CYP4A11: variants seen among roughly 807,000 people sequenced by gnomAD.
The protein encoded by CYP4A11 is cytochrome P450 family 4 subfamily A member 11.
Under a neutral mutation model 57.7 loss-of-function variants are expected in CYP4A11, and 52 were observed. The observed-to-expected ratio is 0.90, with a 90% CI of 0.72 to 1.14. The LOEUF (loss-of-function observed/expected upper bound fraction) is 1.14. Among genes scored for constraint, CYP4A11 ranks in the 50% most tolerant of loss-of-function variants. CYP4A11 has a pLI of 0.00. For missense variants in CYP4A11, 641 were observed against 642.1 expected, an observed-to-expected ratio of 1.00 and a Z score of 0.02; for synonymous variants, 228 against 247.1, an observed-to-expected ratio of 0.92 and a Z score of 0.72.
At chr1:46,932,284 G>C (rs1230181519) in intron 11 of CYP4A11, 29 of 1,015,268 alleles carry the variant, frequency 2.9e-5, no homozygotes, top group Non-Finnish European at 3.4e-5. Context: ...ATTATAAACA[G>C]ATGCAAAGAC....
rs554101100 is a variant in CYP4A11 at position 46,940,309 on chromosome 1, G to A, written c.195+930C>T. On this transcript the variant is annotated intron_variant, in intron 1 of 11. Coordinates refer to ENST00000310638, the MANE Select transcript of CYP4A11 (RefSeq NM_000778.4). ...AAAAATTGCAAAATAATCTCATAAC[G>A]TTTTAAGAAAGTTTACGAATTTGTG... Among the ~76,000 whole-genome samples, 6 of 152,272 alleles carry A rather than the reference G, an allele frequency of 3.9e-5. No individual in the cohort carries two copies. The South Asian group carries it at 1.0e-3, about 26-fold the overall frequency.
At chr1:46,935,748 T>C (rs769649161) in intron 4 of CYP4A11, 101 bp from the exon 5 acceptor site, 2 of 1,541,450 alleles carry the variant, frequency 1.3e-6, no homozygotes, top group Non-Finnish European at 1.8e-6. Flanking sequence ...TTTTTTCCTG[T>C]AGCATGCAGA....
rs780352553 is a variant in CYP4A11, at chr1:46,938,022, T to C, written c.311A>G (p.Tyr104Cys). 4.3e-6 allele frequency: 7 copies of C among 1,614,148 alleles called. No individual in the cohort carries two copies. In the South Asian group the frequency reaches 7.7e-5, roughly 18 times the overall value. The change falls in exon 2 of 12, where the codon TAT becomes TGT. Residue 104 changes from tyrosine (Y) to cysteine (C), a missense_variant. Tyr to Cys is a radical substitution (Grantham distance 194). Coordinates refer to ENST00000310638, the MANE Select transcript of CYP4A11 (RefSeq NM_000778.4). ...TGATCTCCCCAGAATCACCTTCATA[T>C]AGTCAGGGTCATAGAGCTGGACACG... Reference protein sequence around the residue: ...KVRVQLYDPDYMKVILGRSDP... With the variant: ...KVRVQLYDPDCMKVILGRSDP...
chr1:46,932,199 G>A (rs866558732), intron 11 of CYP4A11: 5 of 993,770 alleles, frequency 5.0e-6, no homozygotes, highest in Non-Finnish European at 6.0e-6. Flanking sequence ...ACACACTGTT[G>A]TAAAACTTTC....
At chr1:46,933,797 T>G in intron 9 of CYP4A11, 149 bp downstream of exon 9, 1 of 1,337,792 alleles carries the variant, frequency 7.5e-7, no homozygotes, top group South Asian at 1.6e-5. Flanking sequence ...CTTTTCAAAT[T>G]CTTTATCCCA....
intron 11 of CYP4A11, among the ~76,000 whole-genome samples, chr1:46,931,330 G>T (rs1359569214): frequency 6.6e-6 from 1 of 152,208 alleles, no homozygotes; most frequent in Non-Finnish European, 1.5e-5. Context: ...CAGTGCCAAG[G>T]ACAGCACCAG....
At position 46,934,467 on chromosome 1, in the gene CYP4A11, G is replaced by T. The variant is rs1326417961; in HGVS notation, c.883C>A (p.Leu295Ile). 2 of 1,613,800 alleles carry T rather than the reference G, an allele frequency of 1.2e-6. No homozygotes were observed. The highest frequency in any genetic ancestry group is 2.2e-5 in the South Asian group (2 of 91,064). The change falls in exon 7 of 12, where the codon CTC becomes ATC. Residue 295 changes from leucine to isoleucine, a missense_variant. By Grantham distance (5) the Leu-to-Ile change is conservative (BLOSUM62 2). Transcript: ENST00000310638. ...CACATACTCACTTTGGCCAAGAGGAGGATATCCAGAAAATCCAAATGCCTC... is the reference window on the plus strand; with the variant it reads ...CACATACTCACTTTGGCCAAGAGGATGATATCCAGAAAATCCAAATGCCTC... ...RKRHLDFLDI[L>I]LLAKMENGSI...
intron 9 of CYP4A11, 32 bp downstream of exon 9, chr1:46,933,914 A>G (rs749976879): frequency 6.2e-7 from 1 of 1,612,812 alleles, no homozygotes; most frequent in South Asian, 1.1e-5. Context: ...CCCTGTGGAG[A>G]GTTTAGGTGA....
intron 2 of CYP4A11, 44 bp downstream of exon 2, chr1:46,937,952 A>G: frequency 6.2e-7 from 1 of 1,610,268 alleles, no homozygotes. Flanking sequence ...AGCATGTGTC[A>G]AGAGGGAAGA....
Position 46,941,138 on chromosome 1 carries a change from A to G in CYP4A11, c.195+101T>C, listed in dbSNP as rs528916568. ...GCTGGGTGTTCCTTTGAGTCCTCAC[A>G]TTTGTTACAAAACAAGGCTTTGCTC... On this transcript the variant is annotated intron_variant, in intron 1 of 11. Coordinates refer to ENST00000310638, the MANE Select transcript of CYP4A11 (RefSeq NM_000778.4). 1.0e-5 allele frequency: 15 copies of G among 1,502,450 alleles called. No homozygotes were observed. The Admixed American group carries it at 1.1e-4, about 11-fold the overall frequency. The allele number at this position is 1,502,450 out of a possible 1,614,324, so 93.1% of individuals were successfully genotyped here. A position where few individuals can be genotyped will look rare whatever the true frequency, so the allele number is the denominator to read the frequency against.
At position 46,937,422 on chromosome 1, in the gene CYP4A11, G is replaced by C. The variant is rs1256650393; in HGVS notation, c.338-76C>G. 6 of 1,503,946 alleles carry C rather than the reference G, an allele frequency of 4.0e-6. No individual in the cohort carries two copies. In the East Asian group the frequency reaches 1.4e-4, roughly 34 times the overall value. 93.2% of individuals were successfully genotyped at this position (1,503,946 alleles called of 1,614,324 possible). A position where few individuals can be genotyped will look rare whatever the true frequency, so the allele number is the denominator to read the frequency against. On this transcript the variant is annotated intron_variant, in intron 2 of 11. Transcript: ENST00000310638. ...AGTCTTAGAGGCTGCATCAATTCTT[G>C]GTGTCTGTCAGTTGGCAGTTTGACC...
intron 1 of CYP4A11, chr1:46,940,651 T>C (rs1349647318): frequency 1.0e-6 from 1 of 985,258 alleles, no homozygotes; most frequent in Non-Finnish European, 1.2e-6. Context: ...TCACCTGTTG[T>C]GGAAATTCCG....
Position 46,930,202 on chromosome 1 carries a change from A to G in CYP4A11, c.1473T>C (p.Ile491=), listed in dbSNP as rs148507594. The G allele has an allele frequency of 2.5e-6, 4 of 1,605,418 alleles. No homozygotes were observed. Among genetic ancestry groups the G allele is most frequent in the Non-Finnish European group, 2.5e-6 (3 of 1,177,034 alleles). Residue 491 remains isoleucine (I), a synonymous_variant, in exon 12 of 12, where the codon ATT becomes ATC. Transcript: ENST00000310638. The stretch of plus-strand genomic sequence containing the variant: ...TTTTGGATTTCAACACAAGTCGTGC[A>G]ATGGGGATGGGGATCCTGGTGGGAT... ...LPDPTRIPIP[I]ARLVLKSKNG... is the part of the protein sequence containing the mutation.
chr1:46,937,597 G>A (rs1681491646), intron 2 of CYP4A11, among the ~76,000 whole-genome samples: 2 of 152,134 alleles, frequency 1.3e-5, no homozygotes, highest in African/African-American at 4.8e-5. Context: ...GGTCTTCAAT[G>A]ACAATGAATA....
chr1:46,931,245 A>C (rs575535680), intron 11 of CYP4A11, among the ~76,000 whole-genome samples: 1 of 151,684 alleles, frequency 6.6e-6, no homozygotes, highest in East Asian at 1.9e-4. Context: ...GCTGCCTCTC[A>C]CTCCCTGCCA....
In CYP4A11 at chr1:46,938,034, T is replaced by A; in HGVS notation, c.299A>T (p.Tyr100Phe). ...LWGGKVRVQL[Y>F]DPDYMKVILG... ...AATCACCTTCATATAGTCAGGGTCATAGAGCTGGACACGAACTTTGCCTCC... is the reference window on the plus strand; with the variant it reads ...AATCACCTTCATATAGTCAGGGTCAAAGAGCTGGACACGAACTTTGCCTCC... Residue 100 changes from tyrosine (Y) to phenylalanine (F), a missense_variant, in exon 2 of 12, where the codon TAT becomes TTT. Coordinates refer to ENST00000310638, the MANE Select transcript of CYP4A11 (RefSeq NM_000778.4). 6.2e-7 allele frequency: 1 copy of A among 1,614,178 alleles called. No homozygotes were observed. The highest frequency in any genetic ancestry group is 8.5e-7 in the Non-Finnish European group (1 of 1,180,026).
intron 5 of CYP4A11, 51 bp downstream of exon 5, chr1:46,935,472 C>A (rs199768508): frequency 6.4e-7 from 1 of 1,555,308 alleles, no homozygotes; most frequent in East Asian, 2.2e-5. Context: ...CAGGTATGTG[C>A]ACTCCACTTG....
chr1:46,935,109 C>T lies in CYP4A11; in HGVS notation c.681G>A (p.Leu227=), dbSNP rs1390021824. The change falls in exon 6 of 12, where the codon CTG becomes CTA. Residue 227 remains leucine, a synonymous_variant. Coordinates refer to ENST00000310638, the MANE Select transcript of CYP4A11 (RefSeq NM_000778.4). ...AGGCATTCCTCACACGGGAAAAAAC[C>T]AGGTTGTTCAGGTCACTAATGGCCT... is the stretch of plus-strand genomic sequence containing the variant. ...YIQAISDLNN[L]VFSRVRNAFH... 1 of 1,614,122 alleles carries T rather than the reference C, an allele frequency of 6.2e-7. No individual in the cohort carries two copies. Among genetic ancestry groups the T allele is most frequent in the Admixed American group, 1.7e-5 (1 of 60,016 alleles).
intron 6 of CYP4A11, among the ~76,000 whole-genome samples, 188 bp downstream of exon 6, chr1:46,934,812 T>C (rs1570079095): frequency 6.6e-6 from 1 of 152,284 alleles, no homozygotes; most frequent in African/African-American, 2.4e-5. Flanking sequence ...TGTGGGGACA[T>C]TGATAAACCA....
Sources: allele counts gnomAD v4.1 joint callset (sites outside exome capture counted in the v4.1 genomes callset), GRCh38; gene constraint gnomAD v4.1.1; transcripts MANE v1.5; gene names NCBI Gene and HGNC (gene_info 2026-07-23, HGNC 2026-07-21).